The following BPTF variants were observed in gnomAD, a reference collection of about 807,000 sequenced individuals.
BPTF encodes nucleosome-remodeling factor subunit BPTF.
In BPTF, 18 loss-of-function variants were observed where a neutral mutation model predicts 292.5. The ratio of observed to expected loss-of-function variants is 0.06; its 90% CI spans 0.04 to 0.09. BPTF has a LOEUF of 0.09. Among genes scored for constraint, BPTF ranks in the 10% least tolerant of loss-of-function variants. BPTF has a pLI of 1.00. For missense variants in BPTF, 2,726 were observed against 3,498.7 expected, an observed-to-expected ratio of 0.78 and a Z score of 5.57; for synonymous variants, 1,225 against 1,251.9, an observed-to-expected ratio of 0.98 and a Z score of 0.45.
intron 10 of BPTF, among the ~76,000 whole-genome samples, 190 bp from the exon 11 acceptor site, chr17:67,910,687 C>G (rs2146898795): frequency 6.6e-6 from 1 of 152,110 alleles, no homozygotes; most frequent in South Asian, 2.1e-4. Flanking sequence ...ATAATCCCAG[C>G]TACTTGGGAG....
chr17:67,975,974 C>T lies in BPTF; in HGVS notation c.8726+16C>T, dbSNP rs782203277. 17 of 1,591,090 alleles carry T rather than the reference C, an allele frequency of 1.1e-5. No homozygotes were observed. In the Admixed American group the frequency reaches 1.3e-4, roughly 12 times the overall value. On this transcript the variant is annotated intron_variant, in intron 27 of 27. Transcript: ENST00000306378. ...AAGCTAGCAGGTGAGCAGATGGGTT[C>T]GGTATTCTGAATTAATTCAACTCTT...
chr17:67,853,849 AT>A, intron 1 of BPTF, 90 bp from the exon 2 acceptor site: 1 of 885,990 alleles, frequency 1.1e-6, no homozygotes, highest in Non-Finnish European at 1.8e-6. Context: ...AAATGTACTT[AT>A]GTATTTTAGG....
At chr17:67,837,897 T>C (rs1488255600) in intron 1 of BPTF, among the ~76,000 whole-genome samples, 1 of 152,074 alleles carries the variant, frequency 6.6e-6, no homozygotes, top group East Asian at 1.9e-4. Flanking sequence ...GTTTTGAGAG[T>C]TTCCTGGCCA....
rs534554043 is a variant in BPTF, at chr17:67,918,482, T to C, written c.5304-232T>C. Among the ~76,000 whole-genome samples the C allele has an allele frequency of 5.9e-5, 9 of 152,308 alleles. No individual in the cohort carries two copies. In the East Asian group the frequency reaches 1.5e-3, roughly 26 times the overall value. ...TTATAAACTTATATGGCATTTAAAATGAATATAGCCCCTTTTAAAAAAAAA... is the reference window on the plus strand; with the variant it reads ...TTATAAACTTATATGGCATTTAAAACGAATATAGCCCCTTTTAAAAAAAAA... On this transcript the variant is annotated intron_variant, in intron 11 of 27. Coordinates refer to ENST00000306378, the MANE Select transcript of BPTF (RefSeq NM_182641.4).
intron 1 of BPTF, among the ~76,000 whole-genome samples, chr17:67,832,664 C>T (rs1039880201): frequency 2.6e-5 from 4 of 151,956 alleles, no homozygotes; most frequent in African/African-American, 9.7e-5. Context: ...CTAATTCCAG[C>T]ACGTTTTTAT....
chr17:67,953,680 A>G (rs782013677), intron 23 of BPTF, among the ~76,000 whole-genome samples: 3 of 151,092 alleles, frequency 2.0e-5, no homozygotes, highest in African/African-American at 4.9e-5. Flanking sequence ...GGTTGAAGCA[A>G]TTCTCCTGCC....
At chr17:67,932,227 A>G (rs758866518) in intron 18 of BPTF, among the ~76,000 whole-genome samples, 6 of 152,252 alleles carry the variant, frequency 3.9e-5, no homozygotes, top group Admixed American at 2.0e-4. Context: ...TGCTTATTAA[A>G]AATGTAACAG....
rs1291506224 is a variant in BPTF at position 67,911,101 on chromosome 17, C to G, written c.3217C>G (p.Leu1073Val). The G allele has an allele frequency of 1.2e-6, 2 of 1,613,700 alleles. No homozygotes were observed. The highest frequency in any genetic ancestry group is 8.5e-7 in the Non-Finnish European group (1 of 1,179,930). Reference protein sequence around the residue: ...LLERRIKQFTLEEKQRLEKIK... With the variant: ...LLERRIKQFTVEEKQRLEKIK... ...TGAAAGGAGAATTAAACAGTTTACA[C>G]TGGAAGAAAAACAGCGACTCGAAAA... Residue 1073 changes from leucine to valine, a missense_variant, in exon 11 of 28, where the codon CTG becomes GTG. By Grantham distance (32) the Leu-to-Val change is conservative. Transcript: ENST00000306378.
chr17:67,846,459 T>A (rs2058036201), intron 1 of BPTF, among the ~76,000 whole-genome samples: 2 of 152,234 alleles, frequency 1.3e-5, no homozygotes, highest in Admixed American at 1.3e-4. Context: ...ATGTGTACTG[T>A]CCTGTATGGT....
intron 18 of BPTF, among the ~76,000 whole-genome samples, chr17:67,939,864 A>G (rs1477656023): frequency 6.6e-6 from 1 of 152,224 alleles, no homozygotes; most frequent in Non-Finnish European, 1.5e-5. Context: ...TGGGCGACAG[A>G]GCGAGACTCC....
At chr17:67,944,401 G>A (rs1427157784) in intron 20 of BPTF, 29 bp downstream of exon 20, 3 of 1,603,868 alleles carry the variant, frequency 1.9e-6, no homozygotes, top group African/African-American at 1.3e-5. Context: ...CGGAAATGTC[G>A]GATGTTACTA....
At chr17:67,871,587 C>T (rs2059741946) in intron 3 of BPTF, among the ~76,000 whole-genome samples, 2 of 151,302 alleles carry the variant, frequency 1.3e-5, no homozygotes, top group Admixed American at 6.6e-5. Context: ...CTTTATTTTG[C>T]TTATTTGAGG....
chr17:67,860,839 G>A (rs1322697870), intron 2 of BPTF, among the ~76,000 whole-genome samples: 2 of 152,204 alleles, frequency 1.3e-5, no homozygotes, highest in Admixed American at 1.3e-4. Context: ...ATTACAACAG[G>A]CGTGGACCAC....
At chr17:67,953,968 T>C (rs1190707663) in intron 23 of BPTF, among the ~76,000 whole-genome samples, 2 of 3,180 alleles carry the variant, frequency 6.3e-4, no homozygotes, top group South Asian at 0.032. Context: ...TTTCTTTTTT[T>C]TTTTTTTTTT....
rs1555683126 is a variant in BPTF, at chr17:67,959,822, TAAG to T, written c.8212_8214del (p.Lys2738del). ...TGATCTCTACTACCTCAAAGGAAAC[TAAG>T]AAGGACACAAAGCTTTACTGTATCT... is the stretch of plus-strand genomic sequence containing the variant. On this transcript the variant is annotated inframe_deletion, in exon 24 of 28. Transcript: ENST00000306378. 2.5e-6 allele frequency: 4 copies of T among 1,613,598 alleles called. No individual in the cohort carries two copies. Among genetic ancestry groups the T allele is most frequent in the South Asian group, 2.2e-5 (2 of 91,034 alleles).
chr17:67,875,502 C>T, intron 4 of BPTF: 6 of 1,374,172 alleles, frequency 4.4e-6, no homozygotes, highest in Non-Finnish European at 5.7e-6. Context: ...GGCCATTTGC[C>T]CTGAAGCAAT....
Position 67,911,277 on chromosome 17 carries a change from T to C in BPTF, c.3393T>C (p.Asp1131=), listed in dbSNP as rs143911596. The C allele has an allele frequency of 5.6e-6, 9 of 1,613,956 alleles. No homozygotes were observed. The highest frequency in any genetic ancestry group is 4.0e-5 in the African/African-American group (3 of 74,912). ...AACAGAGCCCAAATGCAAATAATGA[T>C]CAACCTGAGGACTTGATTCAGGGAT... ...RQEQSPNANN[D]QPEDLIQGCS... Residue 1131 remains aspartate, a synonymous_variant, in exon 11 of 28, where the codon GAT becomes GAC. Transcript: ENST00000306378.
At chr17:67,952,055 A>AAC (rs1555678734) in intron 23 of BPTF, among the ~76,000 whole-genome samples, 1 of 5,624 alleles carries the variant, frequency 1.8e-4, no homozygotes, top group Non-Finnish European at 1.5e-3. Context: ...ACTCTGTCTC[A>AAC]AAAAAAAAAA....
intron 1 of BPTF, among the ~76,000 whole-genome samples, chr17:67,843,082 A>T (rs1252851935): frequency 1.3e-5 from 2 of 150,950 alleles, no homozygotes; most frequent in African/African-American, 4.9e-5. Flanking sequence ...GTAGATATAT[A>T]TGTAGATACA....
Sources: allele counts gnomAD v4.1 joint callset (sites outside exome capture counted in the v4.1 genomes callset), GRCh38; gene constraint gnomAD v4.1.1; transcripts MANE v1.5; gene names NCBI Gene and HGNC (gene_info 2026-07-23, HGNC 2026-07-21).